The following NKAIN2 variants were observed in gnomAD, a reference collection of about 807,000 sequenced individuals.
NKAIN2 encodes the protein sodium/potassium-transporting ATPase subunit beta-1-interacting protein 2.
Under a neutral mutation model 32.6 loss-of-function variants are expected in NKAIN2, and 14 were observed. The observed-to-expected ratio is 0.43, with a 90% CI of 0.28 to 0.67. NKAIN2 has a LOEUF of 0.67. NKAIN2 is among the 30% of genes least tolerant of loss of function. NKAIN2 has a pLI of 0.17. For missense variants in NKAIN2, 198 were observed against 258.3 expected, an observed-to-expected ratio of 0.77 and a Z score of 1.60; for synonymous variants, 80 against 87.2, an observed-to-expected ratio of 0.92 and a Z score of 0.46.
At chr6:124,467,547 T>G (rs1776810638) in intron 3 of NKAIN2, among the ~76,000 whole-genome samples, 1 of 152,134 alleles carries the variant, frequency 6.6e-6, no homozygotes, top group African/African-American at 2.4e-5. Flanking sequence ...GTTCTGTTTA[T>G]AAGTTGCTCT....
chr6:124,197,563 C>T (rs1419719514), intron 1 of NKAIN2, among the ~76,000 whole-genome samples: 1 of 152,144 alleles, frequency 6.6e-6, no homozygotes, highest in African/African-American at 2.4e-5. Context: ...GGAAATCCTG[C>T]TCTTCATATC....
chr6:124,387,913 G>A (rs1000368682), intron 3 of NKAIN2, among the ~76,000 whole-genome samples: 2 of 152,124 alleles, frequency 1.3e-5, no homozygotes, highest in African/African-American at 2.4e-5. Context: ...TATGTGGGTA[G>A]TTCTCGACTA....
At chr6:124,382,981 A>G (rs1772713773) in intron 3 of NKAIN2, among the ~76,000 whole-genome samples, 1 of 152,188 alleles carries the variant, frequency 6.6e-6, no homozygotes, top group Non-Finnish European at 1.5e-5. Flanking sequence ...ACCACAGTCA[A>G]GGAGGTAAAT....
chr6:124,093,835 A>AT (rs1427346110), intron 1 of NKAIN2, among the ~76,000 whole-genome samples: 2 of 151,092 alleles, frequency 1.3e-5, no homozygotes, highest in Non-Finnish European at 1.5e-5. Context: ...AGGGCATCTC[A>AT]TGGAGCACAT....
chr6:123,876,301 G>A (rs758273510), intron 1 of NKAIN2, among the ~76,000 whole-genome samples: 5 of 151,984 alleles, frequency 3.3e-5, no homozygotes, highest in East Asian at 1.9e-4. Flanking sequence ...TGTTGTGCTC[G>A]AATATTTTAG....
chr6:124,706,140 A>G (rs1441995014), intron 4 of NKAIN2, among the ~76,000 whole-genome samples: 1 of 152,154 alleles, frequency 6.6e-6, no homozygotes, highest in African/African-American at 2.4e-5. Flanking sequence ...AGTACCTAGT[A>G]CCTAGGAGGA....
chr6:124,168,024 C>T (rs528700596), intron 1 of NKAIN2, among the ~76,000 whole-genome samples: 1 of 152,180 alleles, frequency 6.6e-6, no homozygotes, highest in Non-Finnish European at 1.5e-5. Context: ...AAAAACCAAG[C>T]ATTTATTCTG....
chr6:123,924,642 G>T (rs1028014135), intron 1 of NKAIN2, among the ~76,000 whole-genome samples: 1 of 152,062 alleles, frequency 6.6e-6, no homozygotes, highest in Non-Finnish European at 1.5e-5. Context: ...AAAAAGACCT[G>T]GATCGTTCAG....
chr6:124,695,223 C>T (rs1408666715), intron 4 of NKAIN2, among the ~76,000 whole-genome samples: 1 of 150,748 alleles, frequency 6.6e-6, no homozygotes, highest in South Asian at 2.1e-4. Context: ...ATGGATGATA[C>T]CTTGTGGTCC....
chr6:124,815,365 T>C (rs749283832), intron 5 of NKAIN2, among the ~76,000 whole-genome samples: 1 of 151,466 alleles, frequency 6.6e-6, no homozygotes, highest in Non-Finnish European at 1.5e-5. Flanking sequence ...CTTCTGCCTC[T>C]GGTGTTCAAG....
At chr6:124,544,665 GA>G (rs534500122) in intron 3 of NKAIN2, among the ~76,000 whole-genome samples, 53 of 143,324 alleles carry the variant, frequency 3.7e-4, no homozygotes, top group Middle Eastern at 3.6e-3. Flanking sequence ...ACACTGGGAG[GA>G]AAAAAAAAAA....
At chr6:124,586,450 G>A (rs557180931) in intron 3 of NKAIN2, among the ~76,000 whole-genome samples, 56 of 152,204 alleles carry the variant, frequency 3.7e-4, no homozygotes, top group African/African-American at 1.3e-3. Context: ...GAGGGCGTAG[G>A]CTGGAAGGAG....
chr6:124,263,298 C>T (rs1299956334), intron 1 of NKAIN2, among the ~76,000 whole-genome samples: 1 of 152,150 alleles, frequency 6.6e-6, no homozygotes, highest in Non-Finnish European at 1.5e-5. Flanking sequence ...TAAAATCATG[C>T]AGTCATGAAG....
intron 4 of NKAIN2, among the ~76,000 whole-genome samples, chr6:124,674,400 C>T (rs764768853): frequency 5.9e-5 from 9 of 151,718 alleles, no homozygotes; most frequent in Non-Finnish European, 1.3e-4. Context: ...CAAAAAAGAG[C>T]CATTGTGCTT....
intron 1 of NKAIN2, among the ~76,000 whole-genome samples, chr6:123,852,264 T>C (rs1775378577): frequency 7.0e-6 from 1 of 142,768 alleles, no homozygotes; most frequent in African/African-American, 2.6e-5. Flanking sequence ...AATTAACATA[T>C]GCAGTACTTC....
At chr6:124,798,245 C>T (rs1171413027) in intron 5 of NKAIN2, among the ~76,000 whole-genome samples, 1 of 152,052 alleles carries the variant, frequency 6.6e-6, no homozygotes, top group Non-Finnish European at 1.5e-5. Flanking sequence ...AGAAAAGGTG[C>T]CAAGTTCTTG....
intron 3 of NKAIN2, among the ~76,000 whole-genome samples, chr6:124,569,614 G>C (rs1473061381): frequency 2.0e-5 from 3 of 152,114 alleles, no homozygotes; most frequent in Non-Finnish European, 4.4e-5. Context: ...TTCTGCTTTT[G>C]CTTCTTCCTC....
At chr6:124,419,267 C>T (rs1774639145) in intron 3 of NKAIN2, among the ~76,000 whole-genome samples, 1 of 152,088 alleles carries the variant, frequency 6.6e-6, no homozygotes, top group Middle Eastern at 3.2e-3. Flanking sequence ...AAAGTAACCT[C>T]TATTAATCTC....
intron 3 of NKAIN2, among the ~76,000 whole-genome samples, chr6:124,563,347 C>T (rs1780778795): frequency 6.6e-6 from 1 of 152,166 alleles, no homozygotes; most frequent in South Asian, 2.1e-4. Context: ...AGACCTAAAA[C>T]AATCGTAGCA....
Sources: gnomAD v4.1 joint callset for allele counts (sites outside exome capture counted in the v4.1 genomes callset) on GRCh38, gnomAD v4.1.1 for gene constraint, MANE v1.5 for transcripts, NCBI Gene and HGNC (gene_info 2026-07-23, HGNC 2026-07-21) for gene names.